GRM3: variants seen among roughly 807,000 people sequenced by gnomAD.
GRM3 encodes the protein metabotropic glutamate receptor 3.
In GRM3, 26 loss-of-function variants were observed where a neutral mutation model predicts 70.5. The observed-to-expected ratio is 0.37, with a 90% CI of 0.27 to 0.51. The LOEUF (loss-of-function observed/expected upper bound fraction) is 0.51. GRM3 is among the 20% of genes least tolerant of loss of function. The pLI is 0.93. For synonymous variants in GRM3, 443 were observed against 434.9 expected (o/e 1.02, Z -0.23); for missense variants, 859 against 1,123.8 (o/e 0.76, Z 3.37).
chr7:86,831,922 C>G (rs1045943896), intron 3 of GRM3, among the ~76,000 whole-genome samples: 2 of 151,536 alleles, frequency 1.3e-5, no homozygotes, highest in Non-Finnish European at 2.9e-5. Context: ...CTAAGTGGTG[C>G]TTTGTCCCAG....
chr7:86,712,560 A>G (rs936552556), intron 1 of GRM3, among the ~76,000 whole-genome samples: 3 of 151,988 alleles, frequency 2.0e-5, no homozygotes, highest in African/African-American at 4.8e-5. Flanking sequence ...GTTACCCTAT[A>G]TATCTATAGA....
intron 1 of GRM3, among the ~76,000 whole-genome samples, chr7:86,734,505 A>G (rs968599663): frequency 6.6e-6 from 1 of 152,212 alleles, no homozygotes. Flanking sequence ...GTCATAAGCC[A>G]TTAATCTATT....
chr7:86,832,144 CT>C (rs1317880111), intron 3 of GRM3, among the ~76,000 whole-genome samples: 3 of 152,012 alleles, frequency 2.0e-5, no homozygotes, highest in Non-Finnish European at 4.4e-5. Context: ...GGAGATGACA[CT>C]GTCTTTCACC....
In GRM3 at chr7:86,785,648, A is replaced by G. The variant is rs939787538; in HGVS notation, c.469-613A>G. Among the ~76,000 whole-genome samples, 6 of 137,830 alleles carry G rather than the reference A, an allele frequency of 4.4e-5. 1 individual carries two copies. The highest frequency in any genetic ancestry group is 4.9e-4 in the South Asian group (2 of 4,118). The allele number at this position is 137,830 out of a possible 152,430, so 90.4% of individuals were successfully genotyped here. On this transcript the variant is annotated intron_variant, in intron 2 of 5. Coordinates refer to ENST00000361669, the MANE Select transcript of GRM3 (RefSeq NM_000840.3). ...GATTTTCAGGAGTTTAGAAAAGCGT[A>G]TGCCTAAAATGTTGGGTGGTGGACT... is the stretch of plus-strand genomic sequence containing the variant.
chr7:86,769,844 T>A (rs1183474530), intron 2 of GRM3, among the ~76,000 whole-genome samples: 4 of 152,154 alleles, frequency 2.6e-5, no homozygotes, highest in Non-Finnish European at 5.9e-5. Context: ...AACATCAAAA[T>A]CCTTCTATAT....
chr7:86,733,313 C>CAA (rs61108218), intron 1 of GRM3, among the ~76,000 whole-genome samples: 3,718 of 115,460 alleles, frequency 0.032, 76 homozygotes, highest in East Asian at 0.068. Context: ...CACGCCGTCT[C>CAA]AAAAAAAAAA....
intron 1 of GRM3, among the ~76,000 whole-genome samples, chr7:86,655,820 C>CTGTGTG (rs371609030): frequency 2.1e-4 from 30 of 144,546 alleles, no homozygotes; most frequent in African/African-American, 6.3e-4. Flanking sequence ...AAGGCTAACT[C>CTGTGTG]TGTGTGTGTG....
chr7:86,843,276 C>A (rs1798592190), intron 4 of GRM3, among the ~76,000 whole-genome samples: 1 of 152,046 alleles, frequency 6.6e-6, no homozygotes, highest in Non-Finnish European at 1.5e-5. Context: ...AGCATAATGA[C>A]CTTCCCAGGT....
chr7:86,690,103 G>C (rs569230517), intron 1 of GRM3, among the ~76,000 whole-genome samples: 2 of 152,292 alleles, frequency 1.3e-5, no homozygotes, highest in South Asian at 2.1e-4. Context: ...TGACAGGCAA[G>C]GGGCCTGTTT....
intron 1 of GRM3, among the ~76,000 whole-genome samples, chr7:86,711,311 C>T (rs777868043): frequency 1.3e-4 from 20 of 151,862 alleles, no homozygotes; most frequent in Admixed American, 2.6e-4. Context: ...AATCCTAATA[C>T]GGAACAACAG....
At chr7:86,833,765 G>C (rs10250697) in intron 3 of GRM3, among the ~76,000 whole-genome samples, 9,688 of 152,184 alleles carry the variant, frequency 0.064, 981 homozygotes, top group African/African-American at 0.22. Context: ...AGTACAGACA[G>C]AGCAACCTAA....
chr7:86,831,050 C>T (rs1798341415), intron 3 of GRM3, among the ~76,000 whole-genome samples: 1 of 152,130 alleles, frequency 6.6e-6, no homozygotes, highest in Non-Finnish European at 1.5e-5. Flanking sequence ...AGAAACAAAC[C>T]TTGCTGACAC....
intron 3 of GRM3, among the ~76,000 whole-genome samples, chr7:86,794,657 A>G (rs1005888048): frequency 6.6e-6 from 1 of 152,054 alleles, no homozygotes; most frequent in East Asian, 1.9e-4. Context: ...ACTTCTTATC[A>G]CTTTATGTGA....
chr7:86,825,885 A>AT (rs1183920194), intron 3 of GRM3, among the ~76,000 whole-genome samples: 3 of 152,132 alleles, frequency 2.0e-5, no homozygotes, highest in African/African-American at 7.2e-5. Flanking sequence ...TCTGAATGGG[A>AT]TTTTCCCAGC....
At chr7:86,792,575 G>A (rs905973699) in intron 3 of GRM3, among the ~76,000 whole-genome samples, 1 of 152,126 alleles carries the variant, frequency 6.6e-6, no homozygotes, top group Non-Finnish European at 1.5e-5. Context: ...ATAATGAATA[G>A]GTGACAGAGT....
At chr7:86,845,858 T>G (rs1798645658) in intron 4 of GRM3, among the ~76,000 whole-genome samples, 1 of 152,194 alleles carries the variant, frequency 6.6e-6, no homozygotes, top group African/African-American at 2.4e-5. Context: ...ACTATTGGCT[T>G]CAACTTTGAT....
intron 5 of GRM3, among the ~76,000 whole-genome samples, chr7:86,853,709 G>A (rs981709221): frequency 3.9e-5 from 6 of 152,138 alleles, no homozygotes; most frequent in Non-Finnish European, 7.4e-5. Flanking sequence ...CAGAGTTATC[G>A]CGTTTCCTCC....
intron 1 of GRM3, among the ~76,000 whole-genome samples, chr7:86,672,323 C>A (rs531327390): frequency 6.6e-6 from 1 of 152,216 alleles, no homozygotes; most frequent in East Asian, 1.9e-4. Context: ...GCCTTGGCCC[C>A]TCCACAATTG....
intron 1 of GRM3, among the ~76,000 whole-genome samples, chr7:86,737,408 C>T (rs576290490): frequency 6.6e-5 from 10 of 152,240 alleles, no homozygotes; most frequent in Non-Finnish European, 1.0e-4. Flanking sequence ...TCTAATATTC[C>T]GATGCTATGC....
Sources: gnomAD v4.1 joint callset for allele counts (sites outside exome capture counted in the v4.1 genomes callset) on GRCh38, gnomAD v4.1.1 for gene constraint, MANE v1.5 for transcripts, NCBI Gene and HGNC (gene_info 2026-07-23, HGNC 2026-07-21) for gene names.